Variants in CDH8 observed in about 807,000 individuals in gnomAD.
CDH8 encodes cadherin-8.
A neutral mutation model predicts 68.1 loss-of-function variants in CDH8; 17 were observed. The ratio of observed to expected loss-of-function variants is 0.25; its 90% CI spans 0.17 to 0.37. CDH8 has a LOEUF of 0.37. CDH8 is among the 10% of genes least tolerant of loss of function. The pLI, the probability that CDH8 is intolerant of heterozygous loss-of-function variation, is 1.00. For missense variants in CDH8, 763 were observed against 999.3 expected (o/e 0.76, Z 3.19); for synonymous variants, 372 against 365.1 (o/e 1.02, Z -0.21).
intron 10 of CDH8, among the ~76,000 whole-genome samples, chr16:61,686,525 CT>C (rs1218378559): frequency 6.6e-6 from 1 of 151,946 alleles, no homozygotes; most frequent in Non-Finnish European, 1.5e-5. Flanking sequence ...TGTGCACTCT[CT>C]TTAATATGTT....
intron 3 of CDH8, among the ~76,000 whole-genome samples, chr16:61,890,603 A>T (rs1963758487): frequency 1.3e-5 from 2 of 152,162 alleles, no homozygotes; most frequent in Non-Finnish European, 2.9e-5. Flanking sequence ...AGAGGAAGAG[A>T]TTGTTAAATT....
intron 2 of CDH8, among the ~76,000 whole-genome samples, chr16:61,953,890 A>T (rs1030194868): frequency 9.3e-5 from 7 of 75,112 alleles, no homozygotes; most frequent in African/African-American, 4.8e-4. Flanking sequence ...AAGAAAAAAA[A>T]AACTTTATAT....
chr16:61,715,792 T>A (rs1964720220), intron 9 of CDH8, among the ~76,000 whole-genome samples: 1 of 151,366 alleles, frequency 6.6e-6, no homozygotes. Context: ...GTACAAGGGG[T>A]CTAGATTTGA....
In CDH8 at chr16:61,665,785, TTCC is replaced by T. The variant is rs1328270367; in HGVS notation, c.1655-10067_1655-10065del. ...CTTCCTTCCTTCCTTCCTTCCTTCCTTCCTTCCTTCCTTCCTTCCTTTCCCTCC... is the reference window on the plus strand; with the variant it reads ...CTTCCTTCCTTCCTTCCTTCCTTCCTTTCCTTCCTTCCTTCCTTTCCCTCC... On this transcript the variant is annotated intron_variant, in intron 10 of 11. Transcript: ENST00000577390. Among the ~76,000 whole-genome samples, 405 of 137,996 alleles carry T rather than the reference TTCC, an allele frequency of 2.9e-3. 2 individuals are homozygous for T. The highest frequency in any genetic ancestry group is 4.1e-3 in the South Asian group (17 of 4,194). The allele number at this position is 137,996 out of a possible 152,430, so 90.5% of individuals were successfully genotyped here. A position where few individuals can be genotyped will look rare whatever the true frequency, so the allele number is the denominator to read the frequency against.
intron 4 of CDH8, among the ~76,000 whole-genome samples, chr16:61,837,007 C>A (rs953486185): frequency 6.6e-6 from 1 of 151,984 alleles, no homozygotes; most frequent in African/African-American, 2.4e-5. Context: ...CTCCTTGACC[C>A]TTTTGTTGCA....
intron 3 of CDH8, among the ~76,000 whole-genome samples, chr16:61,863,964 C>A (rs888380270): frequency 2.0e-5 from 3 of 152,122 alleles, no homozygotes; most frequent in African/African-American, 7.2e-5. Flanking sequence ...AAACTGAGCC[C>A]TCAACCCAAC....
intron 1 of CDH8, 40 bp downstream of exon 1, chr16:62,036,040 A>G (rs8057338): frequency 0.53 from 80,441 of 152,110 alleles, 23,091 homozygotes; most frequent in African/African-American, 0.76. Flanking sequence ...GGATAGTCGG[A>G]ACATAGAGGA....
At chr16:61,922,270 A>G (rs1270564472) in intron 2 of CDH8, among the ~76,000 whole-genome samples, 1 of 152,184 alleles carries the variant, frequency 6.6e-6, no homozygotes, top group Non-Finnish European at 1.5e-5. Flanking sequence ...AATAAACAGC[A>G]TGCACTCCTA....
At chr16:61,693,810 T>C (rs1248171044) in intron 10 of CDH8, 2 of 152,102 alleles carry the variant, frequency 1.3e-5, no homozygotes. Context: ...GGAGTTCTGA[T>C]CTAGCTACAT....
intron 3 of CDH8, among the ~76,000 whole-genome samples, chr16:61,876,259 T>G (rs917748410): frequency 1.3e-5 from 2 of 152,190 alleles, no homozygotes; most frequent in African/African-American, 4.8e-5. Context: ...TATCCAAAAT[T>G]AATGTATCAT....
chr16:61,764,331 G>T (rs1398401710), intron 8 of CDH8, among the ~76,000 whole-genome samples: 3 of 152,018 alleles, frequency 2.0e-5, no homozygotes, highest in Non-Finnish European at 1.5e-5. Context: ...AGGTCAGAAG[G>T]AGTTAGCTGA....
At chr16:61,739,915 A>ATATATATATATATGTTT in intron 8 of CDH8, among the ~76,000 whole-genome samples, 1 of 109,580 alleles carries the variant, frequency 9.1e-6, no homozygotes, top group Admixed American at 1.0e-4. Context: ...ATATATATGT[A>ATATATATATATATGTTT]TTTTTTTTTT....
intron 8 of CDH8, among the ~76,000 whole-genome samples, chr16:61,775,283 G>A (rs778583112): frequency 4.6e-5 from 7 of 152,080 alleles, no homozygotes; most frequent in Admixed American, 2.0e-4. Flanking sequence ...CAATCCTTTC[G>A]CCAGATAAAT....
intron 2 of CDH8, among the ~76,000 whole-genome samples, chr16:61,982,454 C>T (rs1033047586): frequency 2.6e-5 from 4 of 152,116 alleles, no homozygotes; most frequent in Non-Finnish European, 5.9e-5. Context: ...CTCCTGACCT[C>T]GTGATCCGCC....
intron 2 of CDH8, among the ~76,000 whole-genome samples, chr16:62,012,919 CAG>C (rs945265587): frequency 3.6e-4 from 55 of 152,232 alleles, no homozygotes; most frequent in Middle Eastern, 3.4e-3. Context: ...CACATCAAAA[CAG>C]TGAATAGTGG....
chr16:61,729,275 T>A (rs1959467781), intron 8 of CDH8, among the ~76,000 whole-genome samples: 1 of 151,148 alleles, frequency 6.6e-6, no homozygotes, highest in African/African-American at 2.4e-5. Context: ...AAAATACATA[T>A]ACATGTGTAT....
At position 62,012,892 on chromosome 16, in the gene CDH8, T is replaced by G. The variant is rs535266888; in HGVS notation, c.252+8260A>C. The stretch of plus-strand genomic sequence containing the variant: ...ATTTTTTTATGATTCTGTGTTGTTT[T>G]CAACTGGGGAAATCTCCACATCAAA... On this transcript the variant is annotated intron_variant, in intron 2 of 11. Coordinates refer to ENST00000577390, the MANE Select transcript of CDH8 (RefSeq NM_001796.5). Among the ~76,000 whole-genome samples the G allele has an allele frequency of 6.8e-4, 104 of 152,296 alleles. 1 individual carries two copies. Among genetic ancestry groups the G allele is most frequent in the African/African-American group, 2.4e-3 (99 of 41,574 alleles).
intron 10 of CDH8, among the ~76,000 whole-genome samples, chr16:61,694,794 G>A (rs1417319645): frequency 2.6e-5 from 4 of 152,054 alleles, no homozygotes; most frequent in Admixed American, 6.6e-5. Context: ...TGGTGGTGGT[G>A]GTTTTGAGAC....
intron 3 of CDH8, among the ~76,000 whole-genome samples, chr16:61,897,713 G>T (rs1963894461): frequency 6.6e-6 from 1 of 152,040 alleles, no homozygotes; most frequent in Admixed American, 6.6e-5. Context: ...TGTTTTGTGG[G>T]CAGCAATCAT....
Sources: allele counts gnomAD v4.1 joint callset (sites outside exome capture counted in the v4.1 genomes callset), GRCh38; gene constraint gnomAD v4.1.1; transcripts MANE v1.5; gene names NCBI Gene and HGNC (gene_info 2026-07-23, HGNC 2026-07-21).